The following RBM26 variants were observed in gnomAD, a reference collection of about 807,000 sequenced individuals.
RBM26 encodes RNA binding motif protein 26, also known as RNA-binding protein 26.
In RBM26, 30 loss-of-function variants were observed where a neutral mutation model predicts 123.6. That is an observed-to-expected ratio of 0.24 (90% CI 0.18 to 0.33). The LOEUF (loss-of-function observed/expected upper bound fraction) is 0.33, where lower values mean the gene tolerates loss of function less well. Ranked by LOEUF, RBM26 falls within the 10% of genes least tolerant of loss-of-function variation. The pLI is 1.00. For synonymous variants in RBM26, 400 were observed against 404.4 expected, an observed-to-expected ratio of 0.99 and a Z score of 0.13; for missense variants, 947 against 1,203.6, an observed-to-expected ratio of 0.79 and a Z score of 3.15.
rs56071300 is a variant in RBM26 at position 79,319,949 on chromosome 13, C to CTTTTT, written c.*667_*671dup. 906 of 115,704 alleles carry CTTTTT rather than the reference C, an allele frequency of 7.8e-3. No homozygotes were observed. Among genetic ancestry groups the CTTTTT allele is most frequent in the East Asian group, 0.023 (11 of 480 alleles). 7.2% of individuals were successfully genotyped at this position (115,704 alleles called of 1,614,324 possible). ...TTTAAATCAAGGAACATTGTCTTGG[C>CTTTTT]TTTTTTTTTTTTTTTTTTTTTGTCA... On this transcript the variant is annotated 3_prime_UTR_variant, in exon 22 of 22. Coordinates refer to ENST00000438737, the MANE Select transcript of RBM26 (RefSeq NM_001366735.2).
intron 6 of RBM26, 21 bp from the exon 7 acceptor site, chr13:79,366,893 G>A (rs1468093794): frequency 2.6e-6 from 4 of 1,540,490 alleles, no homozygotes; most frequent in Non-Finnish European, 3.5e-6. Flanking sequence ...GGAATAGTTA[G>A]AAACAAATGT....
Position 79,402,059 on chromosome 13 carries a change from C to A in RBM26, c.71+3645G>T, listed in dbSNP as rs55964645. 9.1e-3 allele frequency among the ~76,000 whole-genome samples: 1,349 copies of A among 149,046 alleles called. 5 individuals are homozygous for A. Among genetic ancestry groups the A allele is most frequent in the Middle Eastern group, 0.021 (6 of 282 alleles). On this transcript the variant is annotated intron_variant, in intron 1 of 21. Coordinates refer to ENST00000438737, the MANE Select transcript of RBM26 (RefSeq NM_001366735.2). Reference sequence around the variant, plus strand: ...AAAAACATGACTTTGATGTGTAAGTCCACCTAAAAGTTTTAAATACAGTAG... The same window carrying A: ...AAAAACATGACTTTGATGTGTAAGTACACCTAAAAGTTTTAAATACAGTAG...
In RBM26 at chr13:79,337,112, GGAA is replaced by G; in HGVS notation, c.2720_2722del (p.Leu907del). 6.2e-7 allele frequency: 1 copy of G among 1,613,812 alleles called. No individual in the cohort carries two copies. The highest frequency in any genetic ancestry group is 8.5e-7 in the Non-Finnish European group (1 of 1,179,868). ...GCAGTAAGAAAGTACCGCAAAATGAGGAAGAAGATCTTCTCTATCGCTCTCCGT... is the reference window on the plus strand; with the variant it reads ...GCAGTAAGAAAGTACCGCAAAATGAGGAAGATCTTCTCTATCGCTCTCCGT... On this transcript the variant is annotated inframe_deletion, in exon 19 of 22. Coordinates refer to ENST00000438737, the MANE Select transcript of RBM26 (RefSeq NM_001366735.2).
intron 1 of RBM26, among the ~76,000 whole-genome samples, chr13:79,404,441 A>C (rs562921772): frequency 6.6e-6 from 1 of 152,364 alleles, no homozygotes; most frequent in South Asian, 2.1e-4. Flanking sequence ...AGTCTCTACA[A>C]AATAGGCAGA....
intron 6 of RBM26, among the ~76,000 whole-genome samples, chr13:79,368,339 T>G (rs924987374): frequency 1.3e-5 from 2 of 152,236 alleles, no homozygotes; most frequent in Non-Finnish European, 2.9e-5. Context: ...AGTCTTTAAT[T>G]CTTTAATAAA....
chr13:79,403,453 A>G (rs2079225186), intron 1 of RBM26, among the ~76,000 whole-genome samples: 1 of 152,210 alleles, frequency 6.6e-6, no homozygotes, highest in African/African-American at 2.4e-5. Flanking sequence ...CAGTCTTCTC[A>G]TTTAGGTAAG....
chr13:79,366,316 AC>A, intron 7 of RBM26, 121 bp from the exon 8 acceptor site: 1 of 1,108,766 alleles, frequency 9.0e-7, no homozygotes, highest in Non-Finnish European at 1.3e-6. Context: ...CCAAGCCCTT[AC>A]AACTGAATTA....
At position 79,391,261 on chromosome 13, in the gene RBM26, T is replaced by C. The variant is rs553638275; in HGVS notation, c.72-12354A>G. ...TAATTGACTGGTAACCCAATTAGTA[T>C]GCTGGCATACAGTAAGCACAACTAG... On this transcript the variant is annotated intron_variant, in intron 1 of 21. Transcript: ENST00000438737. Among the ~76,000 whole-genome samples the C allele has an allele frequency of 6.6e-5, 10 of 152,334 alleles. No individual in the cohort carries two copies. The South Asian group carries it at 2.1e-3, about 32-fold the overall frequency.
chr13:79,323,506 C>G (rs1029047906), intron 20 of RBM26, among the ~76,000 whole-genome samples: 1 of 151,430 alleles, frequency 6.6e-6, no homozygotes, highest in Non-Finnish European at 1.5e-5. Flanking sequence ...ATTTTAGTTC[C>G]AGGACAATTT....
chr13:79,357,865 C>T (rs2139629604), intron 11 of RBM26, among the ~76,000 whole-genome samples: 1 of 147,902 alleles, frequency 6.8e-6, no homozygotes, highest in Non-Finnish European at 1.5e-5. Flanking sequence ...TCCAATTTTC[C>T]CAATTCAGAA....
At position 79,405,892 on chromosome 13, in the gene RBM26, G is replaced by T; in HGVS notation, c.-118C>A. Reference sequence around the variant, plus strand: ...GCCCGCGTGGGCCGCGGTGGGAGGCGCCGGTGGCAGGTTCCCGCGGGCCCC... The same window carrying T: ...GCCCGCGTGGGCCGCGGTGGGAGGCTCCGGTGGCAGGTTCCCGCGGGCCCC... On this transcript the variant is annotated 5_prime_UTR_variant, in exon 1 of 22. Coordinates refer to ENST00000438737, the MANE Select transcript of RBM26 (RefSeq NM_001366735.2). The T allele has an allele frequency of 1.1e-5, 5 of 464,084 alleles. No individual in the cohort carries two copies. Among genetic ancestry groups the T allele is most frequent in the Non-Finnish European group, 1.7e-5 (5 of 290,684 alleles). 28.7% of individuals were successfully genotyped at this position (464,084 alleles called of 1,614,324 possible).
intron 14 of RBM26, among the ~76,000 whole-genome samples, chr13:79,345,741 CA>C (rs1296246408): frequency 6.6e-6 from 1 of 152,022 alleles, no homozygotes; most frequent in Non-Finnish European, 1.5e-5. Flanking sequence ...TTCAGTGCTA[CA>C]AACAGTGCCA....
chr13:79,400,575 A>C (rs2078978394), intron 1 of RBM26, among the ~76,000 whole-genome samples: 1 of 152,248 alleles, frequency 6.6e-6, no homozygotes, highest in South Asian at 2.1e-4. Context: ...GCAGTAATTA[A>C]TGAAATGTCA....
chr13:79,312,743 G>A (rs576441691), exon 5 of RBM26: 1 of 129,358 alleles, frequency 7.7e-6, no homozygotes, highest in Non-Finnish European at 1.7e-5. Context: ...ATTATGATGT[G>A]TTTCTAATGG....
intron 1 of RBM26, among the ~76,000 whole-genome samples, chr13:79,396,295 A>C (rs1042028787): frequency 5.9e-5 from 9 of 152,238 alleles, no homozygotes; most frequent in African/African-American, 2.2e-4. Flanking sequence ...TCATAAAAAT[A>C]AAACACTGAA....
intron 14 of RBM26, among the ~76,000 whole-genome samples, chr13:79,345,267 CCTT>C (rs2139222722): frequency 6.6e-6 from 1 of 151,982 alleles, no homozygotes; most frequent in South Asian, 2.1e-4. Flanking sequence ...TAGCAATGCT[CCTT>C]CTGCTTGAAC....
chr13:79,355,592 A>G (rs1023301289), intron 11 of RBM26, among the ~76,000 whole-genome samples: 1 of 152,220 alleles, frequency 6.6e-6, no homozygotes. Flanking sequence ...GAGTTCCTCT[A>G]TATAATAGCA....
At chr13:79,399,036 C>A (rs1230405661) in intron 1 of RBM26, among the ~76,000 whole-genome samples, 1 of 152,090 alleles carries the variant, frequency 6.6e-6, no homozygotes, top group African/African-American at 2.4e-5. Flanking sequence ...AATAATAAAG[C>A]TAAAATAACA....
chr13:79,322,849 C>G (rs982636207), intron 20 of RBM26, among the ~76,000 whole-genome samples: 3 of 151,320 alleles, frequency 2.0e-5, no homozygotes, highest in African/African-American at 7.3e-5. Context: ...GTTTTAATGT[C>G]TGAATCAATG....
Sources: allele counts gnomAD v4.1 joint callset (sites outside exome capture counted in the v4.1 genomes callset), GRCh38; gene constraint gnomAD v4.1.1; transcripts MANE v1.5; gene names NCBI Gene and HGNC (gene_info 2026-07-23, HGNC 2026-07-21).